ARHGAP29: variants seen among roughly 807,000 people sequenced by gnomAD.
The protein encoded by ARHGAP29 is rho GTPase-activating protein 29.
In ARHGAP29, 43 loss-of-function variants were observed where a neutral mutation model predicts 122.6. That is an observed-to-expected ratio of 0.35 (90% CI 0.27 to 0.45). The LOEUF (loss-of-function observed/expected upper bound fraction) is 0.45, where lower values mean the gene tolerates loss of function less well. ARHGAP29 is among the 20% of genes least tolerant of loss of function. ARHGAP29 has a pLI of 1.00. For missense variants in ARHGAP29, 1,303 were observed against 1,477.2 expected, an observed-to-expected ratio of 0.88 and a Z score of 1.93; for synonymous variants, 506 against 497.1, an observed-to-expected ratio of 1.02 and a Z score of -0.24.
Position 94,190,062 on chromosome 1 carries a change from T to C in ARHGAP29, c.1303A>G (p.Met435Val), listed in dbSNP as rs1422086794. ...LKAVTVNLFH[M>V]QHLQAASLAD... ...AGGGAAGCAGCCTGCAGATGCTGCA[T>C]GTGGAAGAGGTTAACTGTTACCTAT... Residue 435 changes from methionine (M) to valine (V), a missense_variant, in exon 13 of 23, where the codon ATG becomes GTG. Coordinates refer to ENST00000260526, the MANE Select transcript of ARHGAP29 (RefSeq NM_004815.4). The C allele has an allele frequency of 6.2e-7, 1 of 1,613,224 alleles. No homozygotes were observed. The highest frequency in any genetic ancestry group is 8.5e-7 in the Non-Finnish European group (1 of 1,179,462).
the ARHGAP29 span, among the ~76,000 whole-genome samples, chr1:94,312,920 T>C: frequency 3.9e-5 from 6 of 152,156 alleles, no homozygotes; most frequent in African/African-American, 1.4e-4. Context: ...TTCAGCCATA[T>C]CTCATTTGGT....
In ARHGAP29 at chr1:94,169,487, G is replaced by A. The variant is rs1038713980; in HGVS notation, c.*4382C>T. ...AGGATTATGGGAGTCAGGTTTCTATGAGAGAAGGAAGTTACAAAGATGGAA... is the reference window on the plus strand; with the variant it reads ...AGGATTATGGGAGTCAGGTTTCTATAAGAGAAGGAAGTTACAAAGATGGAA... On this transcript the variant is annotated 3_prime_UTR_variant, in exon 23 of 23. Coordinates refer to ENST00000260526, the MANE Select transcript of ARHGAP29 (RefSeq NM_004815.4). Among the ~76,000 whole-genome samples, 4 of 152,206 alleles carry A rather than the reference G, an allele frequency of 2.6e-5. No homozygotes were observed. The highest frequency in any genetic ancestry group is 2.6e-4 in the Admixed American group (4 of 15,276).
At chr1:94,236,995 C>T (rs1221205867) in intron 1 of ARHGAP29, among the ~76,000 whole-genome samples, 1 of 152,196 alleles carries the variant, frequency 6.6e-6, no homozygotes, top group Non-Finnish European at 1.5e-5. Context: ...TGTGCTTGGG[C>T]AGGTTTTTAA....
chr1:94,198,685 C>T (rs1650624064), intron 12 of ARHGAP29, among the ~76,000 whole-genome samples: 1 of 151,828 alleles, frequency 6.6e-6, no homozygotes, highest in Non-Finnish European at 1.5e-5. Flanking sequence ...AATCAAAGAC[C>T]TAAGTAGTTG....
chr1:94,251,636 A>G (rs1437287999), intron 1 of ARHGAP29, among the ~76,000 whole-genome samples: 1 of 152,132 alleles, frequency 6.6e-6, no homozygotes, highest in Non-Finnish European at 1.5e-5. Context: ...GGTACCCCAA[A>G]GTCCCTTTTG....
At chr1:94,233,922 C>G (rs1274898985) in intron 1 of ARHGAP29, among the ~76,000 whole-genome samples, 1 of 152,182 alleles carries the variant, frequency 6.6e-6, no homozygotes, top group Non-Finnish European at 1.5e-5. Flanking sequence ...AAAACACCAA[C>G]TGTTCAGCTC....
upstream of ARHGAP29, among the ~76,000 whole-genome samples, chr1:94,241,981 A>T (rs1653607062): frequency 6.6e-6 from 1 of 151,966 alleles, no homozygotes; most frequent in Non-Finnish European, 1.5e-5. Context: ...CAACTTGAAG[A>T]GACAGAGATC....
Position 94,185,475 on chromosome 1 carries a change from TTG to T in ARHGAP29, c.1785_1786del (p.Asn596PhefsTer6). On this transcript the variant is annotated frameshift_variant, in exon 17 of 23. Coordinates refer to ENST00000260526, the MANE Select transcript of ARHGAP29 (RefSeq NM_004815.4). LOFTEE classifies it high-confidence loss of function. ...TGTTTTCTTAAATGTTCCAAGGGAA[TTG>T]GGTCCTTGCAAGAGAAATAATTTAC... 6.2e-7 allele frequency: 1 copy of T among 1,603,164 alleles called. No homozygotes were observed. Among genetic ancestry groups the T allele is most frequent in the Non-Finnish European group, 8.5e-7 (1 of 1,176,160 alleles).
chr1:94,251,621 C>T (rs1654097812), intron 1 of ARHGAP29, among the ~76,000 whole-genome samples: 1 of 152,178 alleles, frequency 6.6e-6, no homozygotes, highest in Admixed American at 6.5e-5. Flanking sequence ...TCTTGCTCTT[C>T]CCCAGGTACC....
At chr1:94,219,482 G>A (rs1557870236) in intron 3 of ARHGAP29, among the ~76,000 whole-genome samples, 1 of 152,128 alleles carries the variant, frequency 6.6e-6, no homozygotes, top group Non-Finnish European at 1.5e-5. Context: ...GTGTCGTTCT[G>A]TCAAACTGAC....
the ARHGAP29 span, among the ~76,000 whole-genome samples, chr1:94,288,305 G>A: frequency 6.6e-6 from 1 of 152,158 alleles, no homozygotes; most frequent in African/African-American, 2.4e-5. Context: ...TTTTTGAGAA[G>A]TGTCTGTTCG....
intron 22 of ARHGAP29, among the ~76,000 whole-genome samples, chr1:94,175,641 A>C (rs6684982): frequency 0.95 from 145,378 of 152,238 alleles, 69,791 homozygotes; most frequent in East Asian, 1. Context: ...TCTCATCTGA[A>C]CTTCTTCCAC....
intron 12 of ARHGAP29, chr1:94,190,849 G>C (rs918235432): frequency 1.3e-5 from 2 of 152,100 alleles, no homozygotes; most frequent in African/African-American, 4.8e-5. Context: ...ATACTTTCTG[G>C]TACTGAAAAA....
At chr1:94,270,214 G>A (rs1654934185) in intron 1 of ARHGAP29, among the ~76,000 whole-genome samples, 1 of 152,164 alleles carries the variant, frequency 6.6e-6, no homozygotes, top group African/African-American at 2.4e-5. Flanking sequence ...TCAAGATTCA[G>A]GGATCTGCCA....
chr1:94,203,161 A>G lies in ARHGAP29; in HGVS notation c.812T>C (p.Ile271Thr), dbSNP rs749646127. 17 of 1,613,342 alleles carry G rather than the reference A, an allele frequency of 1.1e-5. No individual in the cohort carries two copies. Among genetic ancestry groups the G allele is most frequent in the Non-Finnish European group, 1.3e-5 (15 of 1,179,752 alleles). Reference protein sequence around the residue: ...SLFTNALLNDIESSHLLQQTI... With the variant: ...SLFTNALLNDTESSHLLQQTI... Reference sequence around the variant, plus strand: ...TTGTTGTAAAAGGTGACTGCTTTCTATATCATTAAGAAGAGCATTAGTAAA... The same window carrying G: ...TTGTTGTAAAAGGTGACTGCTTTCTGTATCATTAAGAAGAGCATTAGTAAA... The change falls in exon 9 of 23, where the codon ATA becomes ACA. Residue 271 changes from isoleucine to threonine, a missense_variant. Ile to Thr is a moderately conservative substitution (Grantham distance 89, BLOSUM62 -1). Coordinates refer to ENST00000260526, the MANE Select transcript of ARHGAP29 (RefSeq NM_004815.4).
At chr1:94,297,020 C>T in the ARHGAP29 span, among the ~76,000 whole-genome samples, 2 of 152,148 alleles carry the variant, frequency 1.3e-5, no homozygotes, top group Non-Finnish European at 2.9e-5. Flanking sequence ...GTGAAAGTTT[C>T]GGCCAGGTCT....
At chr1:94,186,444 G>T in intron 16 of ARHGAP29, 55 bp downstream of exon 16, 3 of 1,189,636 alleles carry the variant, frequency 2.5e-6, no homozygotes, top group Non-Finnish European at 2.5e-6. Flanking sequence ...CTAATATCAT[G>T]CAGTGCTACT....
rs752253132 is a variant in ARHGAP29 at position 94,190,089 on chromosome 1, G to A, written c.1282-6C>T. 103 of 1,611,572 alleles carry A rather than the reference G, an allele frequency of 6.4e-5. No homozygotes were observed. Among genetic ancestry groups the A allele is most frequent in the Non-Finnish European group, 8.6e-5 (101 of 1,178,778 alleles). On this transcript the variant is annotated splice_region_variant and splice_polypyrimidine_tract_variant and intron_variant, in intron 12 of 22. Transcript: ENST00000260526. ...TGGAAGAGGTTAACTGTTACCTATG[G>A]ACCCAGAGACAAAAGGCAGAGTAAC...
At position 94,172,686 on chromosome 1, in the gene ARHGAP29, A is replaced by AT. The variant is rs1402356433; in HGVS notation, c.*1182dup. ...CATTTAGTAGAAATATAATTCACACATAAAAACAGTCTACTTATTTTTTGT... is the reference window on the plus strand; with the variant it reads ...CATTTAGTAGAAATATAATTCACACATTAAAAACAGTCTACTTATTTTTTGT... On this transcript the variant is annotated 3_prime_UTR_variant, in exon 23 of 23. Transcript: ENST00000260526. The AT allele has an allele frequency of 6.6e-6, 1 of 152,150 alleles. No individual in the cohort carries two copies. The highest frequency in any genetic ancestry group is 2.1e-4 in the South Asian group (1 of 4,830). 9.4% of individuals were successfully genotyped at this position (152,150 alleles called of 1,614,324 possible). A position where few individuals can be genotyped will look rare whatever the true frequency, so the allele number is the denominator to read the frequency against.
Sources: gnomAD v4.1 joint callset for allele counts (sites outside exome capture counted in the v4.1 genomes callset) on GRCh38, gnomAD v4.1.1 for gene constraint, MANE v1.5 for transcripts, NCBI Gene and HGNC (gene_info 2026-07-23, HGNC 2026-07-21) for gene names.